VSTM4: variants seen among roughly 807,000 people sequenced by gnomAD.
VSTM4 encodes the protein V-set and transmembrane domain containing 4.
In VSTM4, 20 loss-of-function variants were observed where a neutral mutation model predicts 36.4. The ratio of observed to expected loss-of-function variants is 0.55; its 90% confidence interval spans 0.39 to 0.80. The LOEUF is 0.80. Among genes scored for constraint, VSTM4 ranks in the 30% least tolerant of loss-of-function variants. The probability of loss-of-function intolerance (pLI) is 0.00; values close to 1 mark genes in which losing one functional copy is unlikely to be tolerated. For missense variants in VSTM4, 392 were observed against 404.5 expected, an observed-to-expected ratio of 0.97 and a Z score of 0.26; for synonymous variants, 182 against 173.9, an observed-to-expected ratio of 1.05 and a Z score of -0.37.
At chr10:49,046,851 A>C (rs1394179916) in intron 7 of VSTM4, 132 bp downstream of exon 7, 1 of 864,004 alleles carries the variant, frequency 1.2e-6, no homozygotes, top group East Asian at 2.4e-5. Context: ...CTGAGAATAG[A>C]GAATGTTTTT....
At chr10:49,093,343 C>A (rs950596701) in intron 2 of VSTM4, among the ~76,000 whole-genome samples, 11 of 152,180 alleles carry the variant, frequency 7.2e-5, no homozygotes, top group African/African-American at 2.7e-4. Context: ...GCCAGCCACA[C>A]CCCTATCGCA....
At chr10:49,061,382 T>C (rs1843874649) in intron 5 of VSTM4, among the ~76,000 whole-genome samples, 1 of 152,170 alleles carries the variant, frequency 6.6e-6, no homozygotes, top group African/African-American at 2.4e-5. Context: ...GTTTGATCTG[T>C]CTCAATTGGG....
rs144935375 is a variant in VSTM4 at position 49,109,348 on chromosome 10, G to A, written c.56-1353C>T. Among the ~76,000 whole-genome samples the A allele has an allele frequency of 5.3e-3, 800 of 152,270 alleles. 7 individuals are homozygous for A. The highest frequency in any genetic ancestry group is 0.018 in the African/African-American group (758 of 41,560). On this transcript the variant is annotated intron_variant, in intron 1 of 7. Transcript: ENST00000332853. ...GGAGGCTGTGGAGCAGCAAGCAGGC[G>A]GCCCTGCGGTGGGCTGGGGGAGGGA...
At chr10:49,085,249 G>A (rs1844349590) in intron 3 of VSTM4, among the ~76,000 whole-genome samples, 1 of 152,258 alleles carries the variant, frequency 6.6e-6, no homozygotes. Flanking sequence ...ACTGTTCCAA[G>A]GCCATGGTTC....
intron 3 of VSTM4, among the ~76,000 whole-genome samples, chr10:49,081,384 A>G (rs575023225): frequency 1.3e-5 from 2 of 152,342 alleles, no homozygotes; most frequent in Admixed American, 1.3e-4. Context: ...AAATTGTCTT[A>G]CAAAAGCTTC....
At chr10:49,111,964 C>G (rs1166059698) in intron 1 of VSTM4, among the ~76,000 whole-genome samples, 3 of 152,152 alleles carry the variant, frequency 2.0e-5, no homozygotes, top group African/African-American at 7.2e-5. Flanking sequence ...AAATAAAGTT[C>G]AAGGCAGCAA....
chr10:49,094,612 C>G (rs1844536395), intron 2 of VSTM4, among the ~76,000 whole-genome samples: 1 of 152,174 alleles, frequency 6.6e-6, no homozygotes, highest in Non-Finnish European at 1.5e-5. Context: ...AGAAAAGATC[C>G]TTAAGTAAAA....
intron 7 of VSTM4, among the ~76,000 whole-genome samples, chr10:49,020,877 T>C (rs2466754): frequency 0.68 from 102,243 of 151,454 alleles, 36,316 homozygotes; most frequent in Non-Finnish European, 0.8. Flanking sequence ...AAAAGATAGA[T>C]AATCATATTC....
chr10:49,088,740 G>A (rs550819715), intron 2 of VSTM4, among the ~76,000 whole-genome samples: 1 of 152,248 alleles, frequency 6.6e-6, no homozygotes, highest in Non-Finnish European at 1.5e-5. Context: ...TCCTGAAAAA[G>A]CTTGGCTGGA....
At chr10:49,067,977 T>C (rs1844003218) in intron 4 of VSTM4, among the ~76,000 whole-genome samples, 1 of 152,228 alleles carries the variant, frequency 6.6e-6, no homozygotes, top group African/African-American at 2.4e-5. Flanking sequence ...CTAGATTACT[T>C]GTAATACATA....
intron 4 of VSTM4, among the ~76,000 whole-genome samples, chr10:49,073,523 G>A (rs1380114165): frequency 6.6e-6 from 1 of 152,208 alleles, no homozygotes; most frequent in Non-Finnish European, 1.5e-5. Context: ...TTTGCACCAT[G>A]ACTCCCTTGT....
chr10:49,095,447 C>A (rs917306776), intron 2 of VSTM4, among the ~76,000 whole-genome samples: 1 of 152,172 alleles, frequency 6.6e-6, no homozygotes, highest in Non-Finnish European at 1.5e-5. Context: ...CCAAGGTCCC[C>A]AGCTGGGTCC....
chr10:49,025,670 G>T (rs1590066615), intron 7 of VSTM4, among the ~76,000 whole-genome samples: 1 of 152,226 alleles, frequency 6.6e-6, no homozygotes, highest in Non-Finnish European at 1.5e-5. Flanking sequence ...CTCCAGCAGG[G>T]GAGGGAAGCT....
chr10:49,063,617 AT>A (rs1218250064), intron 5 of VSTM4, among the ~76,000 whole-genome samples: 1 of 152,094 alleles, frequency 6.6e-6, no homozygotes, highest in African/African-American at 2.4e-5. Context: ...TTACAGTATT[AT>A]TTTGGTCTGT....
At chr10:49,062,606 T>C (rs1406556530) in intron 5 of VSTM4, among the ~76,000 whole-genome samples, 1 of 152,234 alleles carries the variant, frequency 6.6e-6, no homozygotes, top group Non-Finnish European at 1.5e-5. Flanking sequence ...ATGCCTGGCA[T>C]TCACTCAGTT....
intron 7 of VSTM4, among the ~76,000 whole-genome samples, chr10:49,025,444 G>A (rs1307591374): frequency 1.3e-5 from 2 of 151,974 alleles, no homozygotes; most frequent in Admixed American, 1.3e-4. Context: ...TGAGGAGCAG[G>A]GCTGGAGGAG....
chr10:49,070,953 C>G (rs574122367), intron 4 of VSTM4, among the ~76,000 whole-genome samples: 1 of 152,380 alleles, frequency 6.6e-6, no homozygotes, highest in African/African-American at 2.4e-5. Context: ...GCCTCCTCCC[C>G]ACCCGAGTCT....
At chr10:49,102,837 C>T in intron 2 of VSTM4, 5 of 729,370 alleles carry the variant, frequency 6.9e-6, no homozygotes, top group South Asian at 1.2e-4. Flanking sequence ...TCATTGTTAT[C>T]ATCATCATCC....
At chr10:49,094,039 G>A (rs1219002255) in intron 2 of VSTM4, among the ~76,000 whole-genome samples, 1 of 152,164 alleles carries the variant, frequency 6.6e-6, no homozygotes, top group African/African-American at 2.4e-5. Flanking sequence ...TAGCCACGGT[G>A]CCCGGCCGTC....
Sources: allele counts gnomAD v4.1 joint callset (sites outside exome capture counted in the v4.1 genomes callset), GRCh38; gene constraint gnomAD v4.1.1; transcripts MANE v1.5; gene names NCBI Gene and HGNC (gene_info 2026-07-23, HGNC 2026-07-21).